The following FOXJ3 variants were observed in gnomAD, a reference collection of about 807,000 sequenced individuals.
The protein encoded by FOXJ3 is forkhead box J3.
In FOXJ3, 22 loss-of-function variants were observed where a neutral mutation model predicts 76.1. The ratio of observed to expected loss-of-function variants is 0.29; its 90% confidence interval spans 0.21 to 0.41. The LOEUF (loss-of-function observed/expected upper bound fraction) is 0.41. FOXJ3 is among the 10% of genes least tolerant of loss of function. FOXJ3 has a pLI of 1.00. For missense variants in FOXJ3, 613 were observed against 762.1 expected (o/e 0.80, Z 2.30); for synonymous variants, 269 against 261.2 (o/e 1.03, Z -0.29).
chr1:42,179,867 A>G (rs1569736984), intron 12 of FOXJ3, 42 bp from the exon 13 acceptor site: 5 of 1,261,208 alleles, frequency 4.0e-6, no homozygotes, highest in Non-Finnish European at 5.8e-6. Context: ...TTGGGTAGAG[A>G]AGAAAGTAAG....
chr1:42,216,828 T>G (rs532047611), intron 5 of FOXJ3, among the ~76,000 whole-genome samples: 80 of 152,088 alleles, frequency 5.3e-4, no homozygotes, highest in African/African-American at 1.9e-3. Context: ...TACTAAAATA[T>G]ATCCAAAATA....
intron 4 of FOXJ3, among the ~76,000 whole-genome samples, chr1:42,246,831 T>C (rs554789913): frequency 1.3e-5 from 2 of 152,172 alleles, no homozygotes; most frequent in African/African-American, 4.8e-5. Context: ...GAACATATGG[T>C]ATATATACAC....
chr1:42,179,908 A>G, intron 12 of FOXJ3, 83 bp from the exon 13 acceptor site: 4 of 838,908 alleles, frequency 4.8e-6, no homozygotes, highest in Middle Eastern at 2.5e-4. Flanking sequence ...TGTACTTCCT[A>G]TATGCCAGGC....
chr1:42,287,122 C>A (rs938857620), intron 2 of FOXJ3, among the ~76,000 whole-genome samples: 6 of 151,458 alleles, frequency 4.0e-5, no homozygotes, highest in African/African-American at 1.2e-4. Flanking sequence ...GGGCAGATCA[C>A]GAGGTCAGGA....
At chr1:42,223,990 A>C (rs551455356) in intron 5 of FOXJ3, among the ~76,000 whole-genome samples, 1 of 152,352 alleles carries the variant, frequency 6.6e-6, no homozygotes, top group Admixed American at 6.5e-5. Flanking sequence ...AGTTATTTTA[A>C]AAATTACATG....
chr1:42,239,514 T>C (rs1226668879), intron 4 of FOXJ3, among the ~76,000 whole-genome samples: 3 of 152,140 alleles, frequency 2.0e-5, no homozygotes, highest in Non-Finnish European at 2.9e-5. Context: ...GTTACTTAAA[T>C]CTCCCTGGTT....
chr1:42,224,871 G>C (rs1424307868), intron 5 of FOXJ3, among the ~76,000 whole-genome samples: 1 of 151,638 alleles, frequency 6.6e-6, no homozygotes, highest in African/African-American at 2.4e-5. Context: ...TGGACTGCTT[G>C]AGCCCAGGAG....
chr1:42,216,627 A>G (rs1478286282), intron 5 of FOXJ3, among the ~76,000 whole-genome samples: 1 of 152,246 alleles, frequency 6.6e-6, no homozygotes, highest in Non-Finnish European at 1.5e-5. Context: ...TGTAACACAT[A>G]TTACAACTAT....
At chr1:42,236,818 G>C (rs896791084) in intron 4 of FOXJ3, among the ~76,000 whole-genome samples, 3 of 152,038 alleles carry the variant, frequency 2.0e-5, no homozygotes, top group Admixed American at 6.6e-5. Flanking sequence ...GCCAACACTT[G>C]GTATTTTAAG....
chr1:42,297,913 C>A (rs1653889163), intron 2 of FOXJ3, among the ~76,000 whole-genome samples: 1 of 152,140 alleles, frequency 6.6e-6, no homozygotes, highest in African/African-American at 2.4e-5. Context: ...AATTCAGCTA[C>A]AAATCTATCT....
chr1:42,259,834 G>C (rs1392401395), intron 4 of FOXJ3, among the ~76,000 whole-genome samples: 1 of 152,092 alleles, frequency 6.6e-6, no homozygotes. Flanking sequence ...AGCTAAACTT[G>C]ATCATATCCT....
At position 42,238,820 on chromosome 1, in the gene FOXJ3, G is replaced by C. The variant is rs1454371910; in HGVS notation, c.445-10854C>G. Among the ~76,000 whole-genome samples, 3 of 152,148 alleles carry C rather than the reference G, an allele frequency of 2.0e-5. No individual in the cohort carries two copies. The East Asian group carries it at 5.8e-4, about 29-fold the overall frequency. On this transcript the variant is annotated intron_variant, in intron 4 of 12. Transcript: ENST00000361346. ...AGCCTCCCAAAGCACTGGAATTACA[G>C]GTGTGAGCCACCGCACCCAGCCTAG...
In FOXJ3 at chr1:42,217,445, C is replaced by T. The variant is rs185886175; in HGVS notation, c.528+10438G>A. Among the ~76,000 whole-genome samples, 980 of 152,216 alleles carry T rather than the reference C, an allele frequency of 6.4e-3. 2 individuals are homozygous for T. The highest frequency in any genetic ancestry group is 1.0e-2 in the Non-Finnish European group (677 of 68,000). On this transcript the variant is annotated intron_variant, in intron 5 of 12. Coordinates refer to ENST00000361346, the MANE Select transcript of FOXJ3 (RefSeq NM_014947.5). ...TCGGGAGGCTGAGGCAGAAGAATGGCTTGCACCCGGGAGGCAGAGGTTGCA... is the reference window on the plus strand; with the variant it reads ...TCGGGAGGCTGAGGCAGAAGAATGGTTTGCACCCGGGAGGCAGAGGTTGCA...
chr1:42,217,349 C>T (rs1057229100), intron 5 of FOXJ3, among the ~76,000 whole-genome samples: 43 of 151,900 alleles, frequency 2.8e-4, no homozygotes, highest in Non-Finnish European at 5.4e-4. Context: ...GCCAACATGG[C>T]GAAACCCCAT....
intron 4 of FOXJ3, among the ~76,000 whole-genome samples, chr1:42,250,141 AAC>A (rs1213367376): frequency 2.6e-5 from 4 of 151,756 alleles, no homozygotes; most frequent in Non-Finnish European, 5.9e-5. Context: ...AGAAAAAGTA[AAC>A]AGAGACTAGA....
chr1:42,320,545 C>A (rs1416108456), intron 1 of FOXJ3, among the ~76,000 whole-genome samples: 1 of 151,642 alleles, frequency 6.6e-6, no homozygotes, highest in Admixed American at 6.6e-5. Context: ...TAGATCACAC[C>A]GTATGTTTAA....
At chr1:42,184,124 TG>T (rs756437294) in intron 11 of FOXJ3, among the ~76,000 whole-genome samples, 33 of 152,234 alleles carry the variant, frequency 2.2e-4, no homozygotes, top group Admixed American at 5.2e-4. Flanking sequence ...GCACGCCTAG[TG>T]TACTTTGTAA....
chr1:42,232,479 T>C (rs539345034), intron 4 of FOXJ3, among the ~76,000 whole-genome samples: 40 of 149,466 alleles, frequency 2.7e-4, no homozygotes, highest in African/African-American at 5.7e-4. Flanking sequence ...GACTTTTTAA[T>C]GATTGCCATT....
chr1:42,302,465 C>G (rs1654212333), intron 2 of FOXJ3, among the ~76,000 whole-genome samples: 1 of 152,232 alleles, frequency 6.6e-6, no homozygotes, highest in Non-Finnish European at 1.5e-5. Flanking sequence ...GGCCCACCTA[C>G]AGGTCTCCCA....
Sources: allele counts gnomAD v4.1 joint callset (sites outside exome capture counted in the v4.1 genomes callset), GRCh38; gene constraint gnomAD v4.1.1; transcripts MANE v1.5; gene names NCBI Gene and HGNC (gene_info 2026-07-23, HGNC 2026-07-21).